ADAM32: variants seen among roughly 807,000 people sequenced by gnomAD.
The protein encoded by ADAM32 is ADAM metallopeptidase domain 32.
ADAM32 carries 89 observed loss-of-function variants against 114.9 expected under a neutral mutation model. That is an observed-to-expected ratio of 0.77 (90% CI 0.65 to 0.92). ADAM32 has a LOEUF of 0.92. Among genes scored for constraint, ADAM32 ranks in the 40% least tolerant of loss-of-function variants. The pLI is 0.00. For synonymous variants in ADAM32, 285 were observed against 307.5 expected (o/e 0.93, Z 0.77); for missense variants, 870 against 932.8 (o/e 0.93, Z 0.88).
At chr8:39,231,994 A>C (rs777034396) in intron 14 of ADAM32, 33 bp from the exon 15 acceptor site, 1 of 1,522,938 alleles carries the variant, frequency 6.6e-7, no homozygotes, top group Non-Finnish European at 9.1e-7. Context: ...ACCAATAAAC[A>C]TTTTAATCCA....
At chr8:39,180,409 C>T (rs1389105877) in intron 10 of ADAM32, among the ~76,000 whole-genome samples, 1 of 152,258 alleles carries the variant, frequency 6.6e-6, no homozygotes, top group East Asian at 1.9e-4. Flanking sequence ...CCTCAGCCTC[C>T]CCTGCCTCTG....
intron 18 of ADAM32, among the ~76,000 whole-genome samples, chr8:39,254,974 A>G (rs542174992): frequency 6.6e-6 from 1 of 151,984 alleles, no homozygotes; most frequent in South Asian, 2.1e-4. Context: ...TTGGTTTTCC[A>G]TTCTTCAAGT....
intron 11 of ADAM32, among the ~76,000 whole-genome samples, chr8:39,206,670 C>G (rs1321840692): frequency 6.6e-6 from 1 of 152,232 alleles, no homozygotes; most frequent in East Asian, 1.9e-4. Context: ...CACTGCACCA[C>G]TCATTTCCTG....
intron 3 of ADAM32, among the ~76,000 whole-genome samples, chr8:39,146,592 G>A (rs1160294088): frequency 6.6e-6 from 1 of 151,946 alleles, no homozygotes; most frequent in Non-Finnish European, 1.5e-5. Context: ...TGTATTTTTA[G>A]TAGAGACGGG....
intron 14 of ADAM32, among the ~76,000 whole-genome samples, chr8:39,229,556 A>G (rs972518029): frequency 6.6e-6 from 1 of 152,232 alleles, no homozygotes; most frequent in Non-Finnish European, 1.5e-5. Flanking sequence ...CTATTCTTAT[A>G]TCAGACAAAA....
Position 39,136,576 on chromosome 8 carries a change from G to C in ADAM32, c.139-81G>C, listed in dbSNP as rs370643250. 2.6e-4 allele frequency: 221 copies of C among 851,424 alleles called. 1 individual carries two copies. The African/African-American group carries it at 3.6e-3, about 14-fold the overall frequency. The allele number at this position is 851,424 out of a possible 1,614,324, so 52.7% of individuals were successfully genotyped here. On this transcript the variant is annotated intron_variant, in intron 2 of 24. Transcript: ENST00000379907. Reference sequence around the variant, plus strand: ...ATGAAGATGTTTTAAGCATTGTTTGGACAGATTAATTGATATAAAACTGTT... The same window carrying C: ...ATGAAGATGTTTTAAGCATTGTTTGCACAGATTAATTGATATAAAACTGTT...
intron 20 of ADAM32, 87 bp downstream of exon 20, chr8:39,271,001 G>T: frequency 1.6e-6 from 2 of 1,235,978 alleles, no homozygotes; most frequent in Non-Finnish European, 2.3e-6. Flanking sequence ...ATTTTTTTTT[G>T]AACATCAATT....
intron 3 of ADAM32, among the ~76,000 whole-genome samples, chr8:39,143,837 G>A (rs1395035777): frequency 1.3e-5 from 2 of 152,206 alleles, no homozygotes; most frequent in Non-Finnish European, 2.9e-5. Context: ...TATAAAGGTA[G>A]TAGGCCTCGC....
chr8:39,273,828 T>TTCA (rs1234056681), intron 20 of ADAM32, among the ~76,000 whole-genome samples: 1 of 152,096 alleles, frequency 6.6e-6, no homozygotes, highest in African/African-American at 2.4e-5. Flanking sequence ...CACTCCTCTA[T>TTCA]GCGAGGAATG....
At chr8:39,271,042 T>G (rs902756482) in intron 20 of ADAM32, 128 bp downstream of exon 20, 2 of 744,318 alleles carry the variant, frequency 2.7e-6, no homozygotes, top group Admixed American at 3.1e-5. Context: ...TCCAGACTGC[T>G]AATATATAGT....
intron 12 of ADAM32, among the ~76,000 whole-genome samples, chr8:39,216,890 T>TTAAAGTGTTATGATAA: frequency 6.6e-6 from 1 of 150,416 alleles, no homozygotes; most frequent in East Asian, 2.0e-4. Flanking sequence ...TGCACCCCAG[T>TTAAAGTGTTATGATAA]TAAAGTGTTA....
At chr8:39,119,992 T>C (rs1454915462) in intron 2 of ADAM32, among the ~76,000 whole-genome samples, 2 of 152,196 alleles carry the variant, frequency 1.3e-5, no homozygotes, top group Non-Finnish European at 2.9e-5. Flanking sequence ...GGTTCATGCA[T>C]ACAAACTGAA....
intron 19 of ADAM32, among the ~76,000 whole-genome samples, chr8:39,266,896 T>C (rs993519610): frequency 2.0e-5 from 3 of 152,184 alleles, no homozygotes; most frequent in Non-Finnish European, 2.9e-5. Flanking sequence ...ATTGGCTTCA[T>C]TTCTGGATGC....
chr8:39,239,390 A>G (rs1350006905), intron 16 of ADAM32, among the ~76,000 whole-genome samples: 1 of 152,178 alleles, frequency 6.6e-6, no homozygotes, highest in Non-Finnish European at 1.5e-5. Context: ...TGCTACTACC[A>G]AACCAGCACT....
At chr8:39,265,932 G>T (rs1812321520) in intron 19 of ADAM32, among the ~76,000 whole-genome samples, 1 of 152,108 alleles carries the variant, frequency 6.6e-6, no homozygotes, top group African/African-American at 2.4e-5. Context: ...GCTTAGTTTG[G>T]CTGGATATAC....
At chr8:39,239,399 CT>C (rs1277915341) in intron 16 of ADAM32, among the ~76,000 whole-genome samples, 2 of 152,124 alleles carry the variant, frequency 1.3e-5, no homozygotes, top group Admixed American at 6.5e-5. Flanking sequence ...CAAACCAGCA[CT>C]ACAAAAACTG....
chr8:39,186,249 C>A (rs1422586785), intron 10 of ADAM32, among the ~76,000 whole-genome samples: 1 of 152,238 alleles, frequency 6.6e-6, no homozygotes, highest in African/African-American at 2.4e-5. Context: ...TTATCTTCCT[C>A]CTCCTGCATC....
At chr8:39,223,272 A>C in intron 14 of ADAM32, 34 bp downstream of exon 14, 1 of 1,410,690 alleles carries the variant, frequency 7.1e-7, no homozygotes. Context: ...AATAGCCCTT[A>C]ACATTGTTAT....
At chr8:39,121,478 A>G (rs1054284202) in intron 2 of ADAM32, among the ~76,000 whole-genome samples, 3 of 152,168 alleles carry the variant, frequency 2.0e-5, no homozygotes, top group Non-Finnish European at 2.9e-5. Flanking sequence ...GAGGGAGAGC[A>G]TTAGGAGAAA....
Sources: gnomAD v4.1 joint callset for allele counts (sites outside exome capture counted in the v4.1 genomes callset) on GRCh38, gnomAD v4.1.1 for gene constraint, MANE v1.5 for transcripts, NCBI Gene and HGNC (gene_info 2026-07-23, HGNC 2026-07-21) for gene names.